COL25A1: variants seen among roughly 807,000 people sequenced by gnomAD.
COL25A1 encodes the protein collagen alpha-1(XXV) chain.
COL25A1 carries 103 observed loss-of-function variants against 128.4 expected under a neutral mutation model. The observed-to-expected ratio is 0.80, with a 90% CI of 0.68 to 0.94. The LOEUF is 0.94. COL25A1 is among the 40% of genes least tolerant of loss of function. The probability of loss-of-function intolerance (pLI) is 0.00; values close to 1 mark genes in which losing one functional copy is unlikely to be tolerated. For missense variants in COL25A1, 745 were observed against 840.0 expected (o/e 0.89, Z 1.40); for synonymous variants, 279 against 277.2 (o/e 1.01, Z -0.06).
intron 8 of COL25A1, among the ~76,000 whole-genome samples, chr4:108,969,829 G>C (rs961066379): frequency 1.3e-5 from 2 of 149,134 alleles, no homozygotes; most frequent in East Asian, 3.9e-4. Flanking sequence ...ATAGTTTCCT[G>C]GTCTACTTGG....
At chr4:109,252,812 G>T (rs1294911869) in intron 3 of COL25A1, among the ~76,000 whole-genome samples, 4 of 152,152 alleles carry the variant, frequency 2.6e-5, no homozygotes, top group African/African-American at 4.8e-5. Context: ...ACCTTCAGGG[G>T]TATCCCAGAA....
chr4:108,985,449 T>C (rs1201064902), intron 6 of COL25A1, among the ~76,000 whole-genome samples: 3 of 152,158 alleles, frequency 2.0e-5, no homozygotes, highest in Non-Finnish European at 2.9e-5. Flanking sequence ...AGATTGGGCA[T>C]AGAAAGGAAG....
At chr4:109,019,598 C>A (rs146619791) in intron 5 of COL25A1, among the ~76,000 whole-genome samples, 3 of 151,854 alleles carry the variant, frequency 2.0e-5, no homozygotes, top group Non-Finnish European at 4.4e-5. Context: ...GGGAAAACCG[C>A]CTTATAAAAC....
At chr4:109,222,589 T>C (rs1444987564) in intron 3 of COL25A1, among the ~76,000 whole-genome samples, 1 of 152,216 alleles carries the variant, frequency 6.6e-6, no homozygotes, top group Non-Finnish European at 1.5e-5. Context: ...TATGTTTAAC[T>C]TATAAATTCC....
intron 3 of COL25A1, among the ~76,000 whole-genome samples, chr4:109,104,107 T>G (rs1418824896): frequency 2.0e-5 from 3 of 152,170 alleles, no homozygotes; most frequent in Non-Finnish European, 4.4e-5. Flanking sequence ...GTTGAATAGC[T>G]CATGCTTGTA....
chr4:109,141,252 C>A (rs1272217433), intron 3 of COL25A1, among the ~76,000 whole-genome samples: 1 of 152,124 alleles, frequency 6.6e-6, no homozygotes, highest in Non-Finnish European at 1.5e-5. Flanking sequence ...TTTGCATATG[C>A]TGAAACAGAC....
chr4:109,058,057 G>T (rs1378897023), intron 3 of COL25A1, among the ~76,000 whole-genome samples: 2 of 152,118 alleles, frequency 1.3e-5, no homozygotes, highest in East Asian at 3.8e-4. Flanking sequence ...GGTTATCTTT[G>T]TTGCTGTTTT....
chr4:108,848,632 A>T, intron 27 of COL25A1, 127 bp downstream of exon 27: 1 of 678,860 alleles, frequency 1.5e-6, no homozygotes, highest in Non-Finnish European at 2.6e-6. Context: ...TGAAGTCTCT[A>T]GAACAAATGG....
chr4:109,100,404 C>T (rs571548886), intron 3 of COL25A1, among the ~76,000 whole-genome samples: 2 of 144,436 alleles, frequency 1.4e-5, no homozygotes, highest in Admixed American at 6.8e-5. Flanking sequence ...AAAATATAAG[C>T]CCATTTTTGT....
intron 6 of COL25A1, among the ~76,000 whole-genome samples, chr4:108,997,643 A>T (rs1754910203): frequency 6.6e-6 from 1 of 152,220 alleles, no homozygotes; most frequent in African/African-American, 2.4e-5. Flanking sequence ...CATCATCCTG[A>T]TACCAAAGCC....
At chr4:108,869,044 AG>A in intron 20 of COL25A1, 43 bp downstream of exon 20, 1 of 1,231,764 alleles carries the variant, frequency 8.1e-7, no homozygotes, top group Non-Finnish European at 1.2e-6. Context: ...AAGAAAAGAA[AG>A]AAAGAAAAAG....
rs1734503558 is a variant in COL25A1 at position 108,841,881 on chromosome 4, A to C, written c.1630-160T>G. 2.0e-5 allele frequency among the ~76,000 whole-genome samples: 3 copies of C among 152,204 alleles called. No individual in the cohort carries two copies. The South Asian group carries it at 6.2e-4, about 32-fold the overall frequency. ...TGGATGTTATTTATTACCCACCAAA[A>C]GTTCCTTCCAGCTCTTGGATTGCTC... On this transcript the variant is annotated intron_variant, in intron 30 of 37. Coordinates refer to ENST00000399132, the MANE Select transcript of COL25A1 (RefSeq NM_198721.4).
intron 3 of COL25A1, among the ~76,000 whole-genome samples, chr4:109,281,591 C>G (rs1334442691): frequency 1.3e-5 from 2 of 152,128 alleles, no homozygotes; most frequent in Admixed American, 1.3e-4. Context: ...CAGACAGTCC[C>G]TTCTAGAAGG....
intron 3 of COL25A1, among the ~76,000 whole-genome samples, chr4:109,199,457 G>C (rs147427017): frequency 1.3e-5 from 2 of 151,976 alleles, no homozygotes; most frequent in East Asian, 3.9e-4. Flanking sequence ...AATTGGAATT[G>C]CATTTCTGAA....
At chr4:108,860,778 G>A in intron 23 of COL25A1, 149 bp downstream of exon 23, 1 of 667,140 alleles carries the variant, frequency 1.5e-6, no homozygotes. Context: ...AAGGAGGTAG[G>A]GGTGTTTCAG....
intron 5 of COL25A1, among the ~76,000 whole-genome samples, chr4:109,045,055 G>C (rs752846935): frequency 1.3e-5 from 2 of 152,128 alleles, no homozygotes; most frequent in African/African-American, 2.4e-5. Context: ...ACATGGTGAG[G>C]ATGAAGACTT....
At chr4:109,087,634 G>C (rs1366460159) in intron 3 of COL25A1, among the ~76,000 whole-genome samples, 4 of 152,112 alleles carry the variant, frequency 2.6e-5, no homozygotes, top group Admixed American at 6.6e-5. Flanking sequence ...ACTACTGACT[G>C]ATCTGTTTAC....
At chr4:109,269,702 C>T in intron 3 of COL25A1, among the ~76,000 whole-genome samples, 1 of 152,050 alleles carries the variant, frequency 6.6e-6, no homozygotes, top group Non-Finnish European at 1.5e-5. Flanking sequence ...AACATTTTTT[C>T]ATGTGTTTTT....
intron 3 of COL25A1, among the ~76,000 whole-genome samples, chr4:109,085,385 C>G (rs1163423632): frequency 6.6e-6 from 1 of 152,178 alleles, no homozygotes; most frequent in Admixed American, 6.5e-5. Context: ...AAAGTTTACT[C>G]CCTTTCTCTC....
Sources: allele counts gnomAD v4.1 joint callset (sites outside exome capture counted in the v4.1 genomes callset), GRCh38; gene constraint gnomAD v4.1.1; transcripts MANE v1.5; gene names NCBI Gene and HGNC (gene_info 2026-07-23, HGNC 2026-07-21).